The following WDR1 variants were observed in gnomAD, a reference collection of about 807,000 sequenced individuals.
The protein encoded by WDR1 is WD repeat-containing protein 1.
WDR1 carries 21 observed loss-of-function variants against 71.9 expected under a neutral mutation model. The ratio of observed to expected loss-of-function variants is 0.29; its 90% CI spans 0.21 to 0.42. WDR1 has a LOEUF of 0.42. WDR1 is among the 10% of genes least tolerant of loss of function. WDR1 has a pLI of 1.00. For synonymous variants in WDR1, 424 were observed against 347.4 expected, an observed-to-expected ratio of 1.22 and a Z score of -2.45; for missense variants, 696 against 824.5, an observed-to-expected ratio of 0.84 and a Z score of 1.91.
intron 13 of WDR1, 129 bp from the exon 14 acceptor site, chr4:10,077,577 A>G (rs1764846975): frequency 6.7e-7 from 1 of 1,487,974 alleles, no homozygotes; most frequent in Admixed American, 1.9e-5. Flanking sequence ...TATGCCAGCG[A>G]CCCCTGCAAA....
At chr4:10,103,163 T>A (rs76944737) in intron 3 of WDR1, among the ~76,000 whole-genome samples, 3,690 of 152,144 alleles carry the variant, frequency 0.024, 152 homozygotes, top group African/African-American at 0.084. Flanking sequence ...AAAGGCCCAG[T>A]GTACAAATAA....
intron 2 of WDR1, among the ~76,000 whole-genome samples, chr4:10,106,891 T>G (rs764505755): frequency 4.6e-5 from 7 of 152,124 alleles, no homozygotes; most frequent in Non-Finnish European, 8.8e-5. Context: ...CACCCCCACG[T>G]GTCACTCGGC....
In WDR1 at chr4:10,077,326, C is replaced by T. The variant is rs771938910; in HGVS notation, c.1692G>A (p.Pro564=). ...CACCTTGGATCTTGACTCTGGTTTCCGGGTCACTCAGGGTCCAAACATACA... is the reference window on the plus strand; with the variant it reads ...CACCTTGGATCTTGACTCTGGTTTCTGGGTCACTCAGGGTCCAAACATACA... ...MMVYVWTLSD[P]ETRVKIQDAH... The change falls in exon 14 of 15, where the codon CCG becomes CCA. Residue 564 remains proline (P), a synonymous_variant. Transcript: ENST00000499869. 29 of 1,613,860 alleles carry T rather than the reference C, an allele frequency of 1.8e-5. No homozygotes were observed. Among genetic ancestry groups the T allele is most frequent in the Admixed American group, 6.7e-5 (4 of 60,006 alleles).
chr4:10,108,585 C>T (rs886909730), intron 2 of WDR1, among the ~76,000 whole-genome samples: 5 of 152,206 alleles, frequency 3.3e-5, no homozygotes, highest in Non-Finnish European at 7.3e-5. Context: ...CTCCAAGTTC[C>T]TGCAAGCAAC....
intron 5 of WDR1, chr4:10,093,100 C>G: frequency 7.8e-7 from 1 of 1,289,482 alleles, no homozygotes; most frequent in Non-Finnish European, 1.0e-6. Context: ...ACACCCATGT[C>G]AACATCACAG....
intron 3 of WDR1, 25 bp from the exon 4 acceptor site, chr4:10,099,164 G>GT: frequency 7.1e-7 from 1 of 1,412,146 alleles, no homozygotes; most frequent in Non-Finnish European, 9.8e-7. Context: ...GGGCGGGGGA[G>GT]GGGGGGAGGC....
At chr4:10,091,828 T>A (rs1712008867) in intron 5 of WDR1, 1 of 152,230 alleles carries the variant, frequency 6.6e-6, no homozygotes. Flanking sequence ...ATTCCCTGTG[T>A]CAAAGGGCCT....
intron 2 of WDR1, among the ~76,000 whole-genome samples, chr4:10,115,279 C>G (rs1032300241): frequency 6.6e-6 from 1 of 152,224 alleles, no homozygotes; most frequent in Non-Finnish European, 1.5e-5. Context: ...GGGAGGGAGA[C>G]TGACAGACTG....
chr4:10,116,624 T>C (rs1450905308), intron 1 of WDR1, 27 bp downstream of exon 1: 4 of 1,224,066 alleles, frequency 3.3e-6, no homozygotes, highest in Non-Finnish European at 4.1e-6. Context: ...CGGCGGCCGC[T>C]CGGGGGCCCC....
At chr4:10,104,797 A>C (rs1189616816) in intron 2 of WDR1, among the ~76,000 whole-genome samples, 1 of 152,144 alleles carries the variant, frequency 6.6e-6, no homozygotes, top group Non-Finnish European at 1.5e-5. Flanking sequence ...AATCTCTGCT[A>C]CCTACTGTCA....
rs147550067 is a variant in WDR1 at position 10,093,587 on chromosome 4, G to A, written c.558+4124C>T. 2.2e-3 allele frequency among the ~76,000 whole-genome samples: 338 copies of A among 152,358 alleles called. 1 individual carries two copies. The highest frequency in any genetic ancestry group is 7.7e-3 in the African/African-American group (321 of 41,590). ...GTCAGCTCAGTCACCATGTTCCCTGGAGAACAAGGACCATATGAAGGGACA... is the reference window on the plus strand; with the variant it reads ...GTCAGCTCAGTCACCATGTTCCCTGAAGAACAAGGACCATATGAAGGGACA... On this transcript the variant is annotated intron_variant, in intron 5 of 14. Transcript: ENST00000499869.
chr4:10,112,843 C>T lies in WDR1; in HGVS notation c.138+3270G>A, dbSNP rs576391445. Among the ~76,000 whole-genome samples the T allele has an allele frequency of 2.3e-3, 346 of 152,312 alleles. 2 individuals carry two copies. The highest frequency in any genetic ancestry group is 7.8e-3 in the African/African-American group (325 of 41,566). Reference sequence around the variant, plus strand: ...CCAGACACTCTCTTAGGCGAGGACACGGCAGTGACTGAAAGAGAGGGGAAA... The same window carrying T: ...CCAGACACTCTCTTAGGCGAGGACATGGCAGTGACTGAAAGAGAGGGGAAA... On this transcript the variant is annotated intron_variant, in intron 2 of 14. Transcript: ENST00000499869.
At chr4:10,114,815 C>T (rs192485533) in intron 2 of WDR1, among the ~76,000 whole-genome samples, 84 of 152,316 alleles carry the variant, frequency 5.5e-4, no homozygotes, top group Admixed American at 3.2e-3. Flanking sequence ...CACATTCACA[C>T]CCGCCCACCC....
At position 10,083,009 on chromosome 4, in the gene WDR1, C is replaced by T. The variant is rs187853252; in HGVS notation, c.1196+13G>A. ...GGCTCATCCGGAACCCCCGCAGACC[C>T]GAGTGCTCTCACCTGTAGTCCCGCA... is the stretch of plus-strand genomic sequence containing the variant. On this transcript the variant is annotated intron_variant, in intron 10 of 14. Coordinates refer to ENST00000499869, the MANE Select transcript of WDR1 (RefSeq NM_017491.5). 8.1e-6 allele frequency: 13 copies of T among 1,603,004 alleles called. No homozygotes were observed. The highest frequency in any genetic ancestry group is 7.7e-5 in the South Asian group (7 of 90,476).
chr4:10,115,301 C>G (rs1375499690), intron 2 of WDR1, among the ~76,000 whole-genome samples: 3 of 152,194 alleles, frequency 2.0e-5, no homozygotes, highest in African/African-American at 7.2e-5. Context: ...GTCACCCCAA[C>G]AATTACAGAG....
intron 5 of WDR1, among the ~76,000 whole-genome samples, chr4:10,089,012 C>T (rs1711789912): frequency 6.6e-6 from 1 of 152,186 alleles, no homozygotes; most frequent in African/African-American, 2.4e-5. Flanking sequence ...AGTTATGCCC[C>T]CCCCAGTGAG....
intron 10 of WDR1, among the ~76,000 whole-genome samples, chr4:10,082,699 C>T (rs748158362): frequency 2.6e-5 from 4 of 152,200 alleles, no homozygotes; most frequent in Admixed American, 6.5e-5. Flanking sequence ...CCACTGTACC[C>T]GCCTTTACTG....
chr4:10,112,008 G>A (rs188588474), intron 2 of WDR1, among the ~76,000 whole-genome samples: 1 of 151,924 alleles, frequency 6.6e-6, no homozygotes, highest in East Asian at 1.9e-4. Context: ...TAGCAAATCT[G>A]CTGGCTGCCT....
chr4:10,097,936 AT>A, intron 4 of WDR1, 45 bp from the exon 5 acceptor site: 3 of 1,401,922 alleles, frequency 2.1e-6, no homozygotes, highest in Non-Finnish European at 2.9e-6. Flanking sequence ...AAAAAAAAAA[AT>A]CAATCCCAGA....
Sources: gnomAD v4.1 joint callset for allele counts (sites outside exome capture counted in the v4.1 genomes callset) on GRCh38, gnomAD v4.1.1 for gene constraint, MANE v1.5 for transcripts, NCBI Gene and HGNC (gene_info 2026-07-23, HGNC 2026-07-21) for gene names.